Variants in CEP85L observed in about 807,000 individuals in gnomAD.
CEP85L encodes centrosomal protein of 85 kDa-like.
A neutral mutation model predicts 100.3 loss-of-function variants in CEP85L; 60 were observed. The ratio of observed to expected loss-of-function variants is 0.60; its 90% CI spans 0.49 to 0.74. The LOEUF (loss-of-function observed/expected upper bound fraction) is 0.74. Ranked by LOEUF, CEP85L falls within the 30% of genes least tolerant of loss-of-function variation. CEP85L has a pLI of 0.00. For missense variants in CEP85L, 973 were observed against 936.2 expected, an observed-to-expected ratio of 1.04 and a Z score of -0.51; for synonymous variants, 319 against 322.7, an observed-to-expected ratio of 0.99 and a Z score of 0.12.
chr6:118,473,404 C>G (rs1773112812), intron 10 of CEP85L, among the ~76,000 whole-genome samples: 1 of 152,028 alleles, frequency 6.6e-6, no homozygotes, highest in Non-Finnish European at 1.5e-5. Flanking sequence ...CCTATCAGTA[C>G]AAAGGTTCTG....
At chr6:118,639,503 C>T (rs574922210) in intron 1 of CEP85L, among the ~76,000 whole-genome samples, 9 of 152,280 alleles carry the variant, frequency 5.9e-5, no homozygotes, top group African/African-American at 2.2e-4. Context: ...TTCATGACTC[C>T]AAGCTGTTTC....
chr6:118,571,827 G>T (rs1779905724), intron 2 of CEP85L, among the ~76,000 whole-genome samples: 1 of 151,892 alleles, frequency 6.6e-6, no homozygotes, highest in Non-Finnish European at 1.5e-5. Flanking sequence ...AAATAAAATT[G>T]TTAACCCTAA....
intron 12 of CEP85L, among the ~76,000 whole-genome samples, 198 bp from the exon 13 acceptor site, chr6:118,465,766 A>G (rs890551356): frequency 3.9e-5 from 6 of 152,196 alleles, no homozygotes; most frequent in Admixed American, 2.6e-4. Flanking sequence ...AATTTCACAA[A>G]TTAAACTGAA....
chr6:118,705,832 T>C (rs1279403019), intron 1 of CEP85L, among the ~76,000 whole-genome samples: 1 of 152,228 alleles, frequency 6.6e-6, no homozygotes. Context: ...GTAACAGAGA[T>C]ACCAGGAGAT....
At chr6:118,688,613 A>T (rs961197317) in intron 1 of CEP85L, among the ~76,000 whole-genome samples, 1 of 152,200 alleles carries the variant, frequency 6.6e-6, no homozygotes, top group Non-Finnish European at 1.5e-5. Flanking sequence ...TTGCAGTCTT[A>T]TCAGTTTGTG....
intron 2 of CEP85L, among the ~76,000 whole-genome samples, chr6:118,592,677 C>A (rs1375093256): frequency 6.6e-6 from 1 of 151,866 alleles, no homozygotes; most frequent in Non-Finnish European, 1.5e-5. Context: ...ATAATTGTAC[C>A]ACATTAAATT....
At chr6:118,494,278 C>T (rs1774779170) in intron 5 of CEP85L, among the ~76,000 whole-genome samples, 1 of 152,146 alleles carries the variant, frequency 6.6e-6, no homozygotes, top group African/African-American at 2.4e-5. Context: ...GAGTGTTCTA[C>T]AAGATCTTCA....
intron 2 of CEP85L, among the ~76,000 whole-genome samples, chr6:118,597,420 AAAAGAGTC>A (rs1369333570): frequency 6.6e-6 from 1 of 152,200 alleles, no homozygotes; most frequent in Non-Finnish European, 1.5e-5. Flanking sequence ...TTGTTGGGGA[AAAAGAGTC>A]AAAGTTCAGC....
intron 2 of CEP85L, among the ~76,000 whole-genome samples, chr6:118,626,386 G>A (rs1022369781): frequency 5.3e-5 from 8 of 152,008 alleles, no homozygotes; most frequent in South Asian, 2.1e-4. Context: ...TGTGATCAGC[G>A]GACCTTATCT....
intron 4 of CEP85L, among the ~76,000 whole-genome samples, chr6:118,515,164 A>G (rs1340417475): frequency 6.6e-6 from 1 of 152,138 alleles, no homozygotes; most frequent in Non-Finnish European, 1.5e-5. Flanking sequence ...TAACTTAATA[A>G]TAATAAAAAG....
chr6:118,579,547 A>C (rs1780446588), intron 2 of CEP85L, among the ~76,000 whole-genome samples: 1 of 152,254 alleles, frequency 6.6e-6, no homozygotes, highest in Non-Finnish European at 1.5e-5. Flanking sequence ...CTTCTCTCCT[A>C]CAAAAATTTT....
At chr6:118,513,864 C>T (rs1355998882) in intron 4 of CEP85L, among the ~76,000 whole-genome samples, 1 of 151,858 alleles carries the variant, frequency 6.6e-6, no homozygotes, top group Non-Finnish European at 1.5e-5. Flanking sequence ...CAAATAAATA[C>T]ATAAGATATT....
chr6:118,664,103 C>T (rs1776060192), intron 1 of CEP85L, among the ~76,000 whole-genome samples: 1 of 151,812 alleles, frequency 6.6e-6, no homozygotes, highest in East Asian at 1.9e-4. Context: ...GCCATGTTGC[C>T]CAGGCTGGTC....
intron 1 of CEP85L, among the ~76,000 whole-genome samples, chr6:118,676,538 T>C (rs1776488841): frequency 6.6e-6 from 1 of 152,264 alleles, no homozygotes; most frequent in African/African-American, 2.4e-5. Context: ...TTCTTAAGGC[T>C]GTATGGTATT....
chr6:118,525,328 T>A (rs933628283), intron 3 of CEP85L, among the ~76,000 whole-genome samples: 1 of 152,206 alleles, frequency 6.6e-6, no homozygotes, highest in Admixed American at 6.5e-5. Flanking sequence ...TTTAAAAATA[T>A]TGGTGTTATA....
chr6:118,661,098 G>A (rs1416637621), intron 1 of CEP85L, among the ~76,000 whole-genome samples: 1 of 152,018 alleles, frequency 6.6e-6, no homozygotes, highest in Non-Finnish European at 1.5e-5. Context: ...TGTTGGCCAG[G>A]CTGGTCTCAA....
At chr6:118,571,987 G>C (rs887320557) in intron 2 of CEP85L, among the ~76,000 whole-genome samples, 1 of 151,928 alleles carries the variant, frequency 6.6e-6, no homozygotes, top group African/African-American at 2.4e-5. Flanking sequence ...CTCCTGAGTA[G>C]CTGGGATTAC....
At chr6:118,662,564 A>G (rs1298826944) in intron 1 of CEP85L, among the ~76,000 whole-genome samples, 1 of 151,708 alleles carries the variant, frequency 6.6e-6, no homozygotes, top group African/African-American at 2.4e-5. Flanking sequence ...AGTATGAGTT[A>G]TTATTATCTC....
chr6:118,559,250 C>A (rs1583048489), intron 3 of CEP85L: 1 of 668,502 alleles, frequency 1.5e-6, no homozygotes, highest in East Asian at 2.7e-5. Flanking sequence ...ATGTATTCAT[C>A]TGTTGGATCT....
Sources: gnomAD v4.1 joint callset for allele counts (sites outside exome capture counted in the v4.1 genomes callset) on GRCh38, gnomAD v4.1.1 for gene constraint, MANE v1.5 for transcripts, NCBI Gene and HGNC (gene_info 2026-07-23, HGNC 2026-07-21) for gene names.